GIGYF2: variants seen among roughly 807,000 people sequenced by gnomAD.
GIGYF2 encodes the protein GRB10 interacting GYF protein 2.
A neutral mutation model predicts 208.1 loss-of-function variants in GIGYF2; 25 were observed. The observed-to-expected ratio is 0.12, with a 90% CI of 0.09 to 0.17. GIGYF2 has a LOEUF of 0.17. Among genes scored for constraint, GIGYF2 ranks in the 10% least tolerant of loss-of-function variants. The probability of loss-of-function intolerance (pLI) is 1.00; values close to 1 mark genes in which losing one functional copy is unlikely to be tolerated. For missense variants in GIGYF2, 1,302 were observed against 1,579.4 expected (o/e 0.82, Z 2.98); for synonymous variants, 534 against 543.8 (o/e 0.98, Z 0.25).
At chr2:232,751,776 C>T (rs185905189) in intron 5 of GIGYF2, among the ~76,000 whole-genome samples, 1 of 152,190 alleles carries the variant, frequency 6.6e-6, no homozygotes, top group Non-Finnish European at 1.5e-5. Flanking sequence ...CATCTTGTAA[C>T]ATTTTAAAGA....
intron 14 of GIGYF2, among the ~76,000 whole-genome samples, chr2:232,797,526 T>TGTGTG (rs1553614943): frequency 6.6e-6 from 1 of 150,636 alleles, no homozygotes. Flanking sequence ...TGTGTGTGTG[T>TGTGTG]TTTAACCAAA....
At chr2:232,777,431 C>T (rs1185374075) in intron 8 of GIGYF2, among the ~76,000 whole-genome samples, 1 of 152,126 alleles carries the variant, frequency 6.6e-6, no homozygotes, top group East Asian at 1.9e-4. Context: ...CAGTACTTTT[C>T]TCCTCCTCCG....
At chr2:232,779,061 G>C (rs183998670) in intron 8 of GIGYF2, among the ~76,000 whole-genome samples, 11 of 152,070 alleles carry the variant, frequency 7.2e-5, no homozygotes, top group South Asian at 2.1e-4. Context: ...ATTTTGGGGT[G>C]GTGTTTCCTG....
At chr2:232,724,097 G>A (rs940214409) in intron 2 of GIGYF2, among the ~76,000 whole-genome samples, 3 of 151,646 alleles carry the variant, frequency 2.0e-5, no homozygotes, top group African/African-American at 7.3e-5. Context: ...CTGGAGTGCA[G>A]TGGTGTGATC....
At chr2:232,709,989 T>G (rs1204922952) in intron 2 of GIGYF2, among the ~76,000 whole-genome samples, 1 of 151,270 alleles carries the variant, frequency 6.6e-6, no homozygotes, top group African/African-American at 2.5e-5. Context: ...AGATGGAGTC[T>G]TGCTTTGTCG....
rs534739272 is a variant in GIGYF2, at chr2:232,847,138, CAT to C, written c.3461-209_3461-208del. Among the ~76,000 whole-genome samples, 12 of 152,250 alleles carry C rather than the reference CAT, an allele frequency of 7.9e-5. No individual in the cohort carries two copies. The South Asian group carries it at 1.7e-3, about 21-fold the overall frequency. The stretch of plus-strand genomic sequence containing the variant: ...CAGTATAACATTCAGTGAAATTAAA[CAT>C]GTGGTATGGATGTTGTGATTATAGT... On this transcript the variant is annotated intron_variant, in intron 26 of 28. Transcript: ENST00000373563.
chr2:232,729,826 T>A, intron 2 of GIGYF2: 1 of 745,132 alleles, frequency 1.3e-6, no homozygotes, highest in Non-Finnish European at 2.5e-6. Flanking sequence ...CGATTCATAT[T>A]GTGGAAGGTG....
intron 14 of GIGYF2, among the ~76,000 whole-genome samples, chr2:232,800,676 C>T (rs1197991734): frequency 1.3e-5 from 2 of 151,824 alleles, no homozygotes; most frequent in African/African-American, 2.4e-5. Flanking sequence ...CCTCAAACTC[C>T]TGGGCTCCAG....
At chr2:232,757,655 G>T (rs963531275) in intron 6 of GIGYF2, among the ~76,000 whole-genome samples, 3 of 151,998 alleles carry the variant, frequency 2.0e-5, no homozygotes, top group Non-Finnish European at 4.4e-5. Flanking sequence ...TTGTACTTGG[G>T]CAGCTTTGCC....
chr2:232,781,878 T>G (rs1018825807), intron 8 of GIGYF2, among the ~76,000 whole-genome samples: 1 of 152,240 alleles, frequency 6.6e-6, no homozygotes, highest in Non-Finnish European at 1.5e-5. Context: ...TGATTATGAC[T>G]CAGCTGTGTG....
intron 20 of GIGYF2, among the ~76,000 whole-genome samples, chr2:232,818,650 G>A (rs2106393504): frequency 6.6e-6 from 1 of 151,226 alleles, no homozygotes; most frequent in Middle Eastern, 3.4e-3. Context: ...TATTTTTTTG[G>A]AGACAGAGTC....
At chr2:232,710,223 T>C (rs1026678061) in intron 2 of GIGYF2, among the ~76,000 whole-genome samples, 1 of 152,102 alleles carries the variant, frequency 6.6e-6, no homozygotes, top group Non-Finnish European at 1.5e-5. Context: ...CCTCCCAAAG[T>C]GCTGGGATTA....
chr2:232,840,243 G>A (rs1475479211), intron 23 of GIGYF2, among the ~76,000 whole-genome samples: 3 of 152,138 alleles, frequency 2.0e-5, no homozygotes, highest in African/African-American at 7.2e-5. Context: ...AAAACTACAC[G>A]GGTTGTTCAA....
chr2:232,792,782 C>G (rs780545483), intron 12 of GIGYF2, among the ~76,000 whole-genome samples: 2 of 152,152 alleles, frequency 1.3e-5, no homozygotes, highest in African/African-American at 2.4e-5. Flanking sequence ...TGCCCCAGAA[C>G]TACTTGTGGT....
chr2:232,740,837 G>C (rs1697943411), intron 3 of GIGYF2, among the ~76,000 whole-genome samples: 1 of 152,172 alleles, frequency 6.6e-6, no homozygotes, highest in Admixed American at 6.5e-5. Flanking sequence ...AATATTTCCA[G>C]TTTTCAGAAA....
rs528383351 is a variant in GIGYF2, at chr2:232,790,416, T to C, written c.713-282T>C. On this transcript the variant is annotated intron_variant, in intron 9 of 28. Transcript: ENST00000373563. ...CCTAGGACTTACTGAAAGTGCGTACTTGGAATACAGTGTCCTTTAAATGTA... is the reference window on the plus strand; with the variant it reads ...CCTAGGACTTACTGAAAGTGCGTACCTGGAATACAGTGTCCTTTAAATGTA... Among the ~76,000 whole-genome samples, 22 of 152,330 alleles carry C rather than the reference T, an allele frequency of 1.4e-4. 1 individual carries two copies. In the South Asian group the frequency reaches 2.1e-3, roughly 14 times the overall value.
intron 8 of GIGYF2, among the ~76,000 whole-genome samples, chr2:232,780,211 T>C (rs1290025040): frequency 6.6e-6 from 1 of 152,202 alleles, no homozygotes. Flanking sequence ...TTTACTGCTC[T>C]TTCTCCTTAG....
intron 3 of GIGYF2, chr2:232,735,584 A>C: frequency 2.5e-6 from 1 of 401,422 alleles, no homozygotes; most frequent in Non-Finnish European, 3.6e-6. Context: ...GTTTTCTGCT[A>C]CATTGTTTTA....
At chr2:232,812,130 AG>A (rs1289578012) in intron 17 of GIGYF2, among the ~76,000 whole-genome samples, 1 of 152,200 alleles carries the variant, frequency 6.6e-6, no homozygotes, top group Non-Finnish European at 1.5e-5. Flanking sequence ...ATATCTTTTA[AG>A]ATATAGATAT....
Sources: gnomAD v4.1 joint callset for allele counts (sites outside exome capture counted in the v4.1 genomes callset) on GRCh38, gnomAD v4.1.1 for gene constraint, MANE v1.5 for transcripts, NCBI Gene and HGNC (gene_info 2026-07-23, HGNC 2026-07-21) for gene names.